AHCTF1: variants seen among roughly 807,000 people sequenced by gnomAD.
The protein encoded by AHCTF1 is AT-hook containing transcription factor 1.
AHCTF1 carries 24 observed loss-of-function variants against 248.4 expected under a neutral mutation model. That is an observed-to-expected ratio of 0.10 (90% CI 0.07 to 0.14). The LOEUF is 0.14. Among genes scored for constraint, AHCTF1 ranks in the 10% least tolerant of loss-of-function variants. The pLI is 1.00. For missense variants in AHCTF1, 2,206 were observed against 2,636.2 expected (o/e 0.84, Z 3.57); for synonymous variants, 786 against 929.8 (o/e 0.85, Z 2.81).
chr1:246,887,139 A>G (rs1010191499), intron 20 of AHCTF1, 72 bp downstream of exon 20: 3 of 1,503,698 alleles, frequency 2.0e-6, no homozygotes, highest in Non-Finnish European at 2.7e-6. Flanking sequence ...TTTAATACCA[A>G]ATTTAAATTA....
chr1:246,867,904 CACACACA>C (rs1662121316), intron 24 of AHCTF1, 93 bp from the exon 25 acceptor site: 4 of 308,804 alleles, frequency 1.3e-5, no homozygotes, highest in Non-Finnish European at 1.4e-5. Context: ...CCCCCCCCCA[CACACACA>C]CACACACACA....
Position 246,853,159 on chromosome 1 carries a change from C to T in AHCTF1, c.4495G>A (p.Glu1499Lys), listed in dbSNP as rs755132680. ...TTTTCTTCTGGTAAGTCAACACTTT[C>T]TTTTAGTACACCAACTTCTACTTCA... ...DHEVEVGVLK[E>K]SVDLPEEKLP... is the part of the protein sequence containing the mutation. The change falls in exon 32 of 36, where the codon GAA (glutamate) becomes AAA (lysine). Residue 1499 changes from glutamate to lysine, a missense_variant. Physicochemically the swap from Glu to Lys is moderately conservative, Grantham distance 56. This residue lies in a region of AHCTF1 where 955 missense variants were observed against 1,055.6 expected (regional missense o/e 0.90). Coordinates refer to ENST00000648844, the MANE Select transcript of AHCTF1 (RefSeq NM_001323342.2). 7 of 1,612,914 alleles carry T rather than the reference C, an allele frequency of 4.3e-6. No homozygotes were observed. The highest frequency in any genetic ancestry group is 5.9e-6 in the Non-Finnish European group (7 of 1,179,396).
rs1337302662 is a variant in AHCTF1, at chr1:246,839,594, CA to C, written c.*1211del. 1.0e-6 allele frequency: 1 copy of C among 984,914 alleles called. No homozygotes were observed. The highest frequency in any genetic ancestry group is 1.1e-4 in the East Asian group (1 of 8,824). 61.0% of individuals were successfully genotyped at this position (984,914 alleles called of 1,614,324 possible). On this transcript the variant is annotated 3_prime_UTR_variant, in exon 36 of 36. Transcript: ENST00000648844. ...CAACACTTTGCGTAGGCATTTTCAC[CA>C]ATTTCTCATTATCTGTATTATTTGG...
rs1346558482 is a variant in AHCTF1 at position 246,898,235 on chromosome 1, A to T, written c.1596T>A (p.Val532=). The change falls in exon 12 of 36, where the codon GTT becomes GTA. Residue 532 remains valine, a synonymous_variant. Coordinates refer to ENST00000648844, the MANE Select transcript of AHCTF1 (RefSeq NM_001323342.2). ...LVAGLLSPRF[V]DVQPSSLSQE... is the part of the protein sequence containing the mutation. ...GGCTTAAACTGGAAGGCTGAACATC[A>T]ACAAATCTTGGGGAAAGAAGGCCAG... 6.2e-7 allele frequency: 1 copy of T among 1,612,202 alleles called. No individual in the cohort carries two copies. The highest frequency in any genetic ancestry group is 1.7e-5 in the Admixed American group (1 of 59,998).
intron 1 of AHCTF1, among the ~76,000 whole-genome samples, chr1:246,919,345 C>T (rs1666358721): frequency 6.6e-6 from 1 of 152,222 alleles, no homozygotes; most frequent in African/African-American, 2.4e-5. Context: ...GACCATGGCT[C>T]TGAGTCTCTT....
At chr1:246,924,791 G>C (rs1165257215) in intron 1 of AHCTF1, among the ~76,000 whole-genome samples, 4 of 152,086 alleles carry the variant, frequency 2.6e-5, no homozygotes, top group Non-Finnish European at 5.9e-5. Flanking sequence ...AGTTATGTTT[G>C]AGATTTCCAA....
intron 18 of AHCTF1, 75 bp from the exon 19 acceptor site, chr1:246,888,308 A>G (rs1663972775): frequency 1.9e-6 from 3 of 1,612,244 alleles, no homozygotes; most frequent in Non-Finnish European, 2.5e-6. Context: ...TGTTTTCCCA[A>G]GTTTGTGCCA....
At chr1:246,869,473 A>G (rs1275741939) in intron 24 of AHCTF1, among the ~76,000 whole-genome samples, 2 of 152,216 alleles carry the variant, frequency 1.3e-5, no homozygotes. Flanking sequence ...GTCAGTGAAC[A>G]CATGAATGGA....
At chr1:246,855,946 A>G (rs1661084376) in intron 30 of AHCTF1, 119 bp from the exon 31 acceptor site, 1 of 576,306 alleles carries the variant, frequency 1.7e-6, no homozygotes, top group Non-Finnish European at 3.0e-6. Flanking sequence ...AGAGAATTCA[A>G]TACAACTCAA....
At position 246,911,672 on chromosome 1, in the gene AHCTF1, C is replaced by T. The variant is rs541919623; in HGVS notation, c.556+1560G>A. Among the ~76,000 whole-genome samples, 33 of 151,916 alleles carry T rather than the reference C, an allele frequency of 2.2e-4. 1 individual carries two copies. In the East Asian group the frequency reaches 2.9e-3, roughly 13 times the overall value. ...CTAATTTTATATTTTTTAGTAGAGA[C>T]GGGGTTTCTCCATGTTGGTCAGGCT... is the stretch of plus-strand genomic sequence containing the variant. On this transcript the variant is annotated intron_variant, in intron 4 of 35. Transcript: ENST00000648844.
intron 1 of AHCTF1, among the ~76,000 whole-genome samples, chr1:246,919,113 G>C (rs1029957166): frequency 6.6e-6 from 1 of 152,136 alleles, no homozygotes; most frequent in Admixed American, 6.5e-5. Context: ...AATACAGAAA[G>C]ATTTTAGCCA....
chr1:246,882,448 G>A (rs1272975532), intron 21 of AHCTF1, among the ~76,000 whole-genome samples: 2 of 152,090 alleles, frequency 1.3e-5, no homozygotes, highest in Non-Finnish European at 2.9e-5. Flanking sequence ...ATCATAGATA[G>A]GGAAAATAAA....
rs115894030 is a variant in AHCTF1, at chr1:246,882,909, A to G, written c.2660+2584T>C. Among the ~76,000 whole-genome samples the G allele has an allele frequency of 6.3e-3, 964 of 152,370 alleles. 12 individuals are homozygous for G. The highest frequency in any genetic ancestry group is 0.022 in the African/African-American group (919 of 41,588). ...GCTCTTAATGAGGAAACTCAGGCTCAGAGAGGATAACTGAACTGCCTTTGA... is the reference window on the plus strand; with the variant it reads ...GCTCTTAATGAGGAAACTCAGGCTCGGAGAGGATAACTGAACTGCCTTTGA... On this transcript the variant is annotated intron_variant, in intron 21 of 35. Coordinates refer to ENST00000648844, the MANE Select transcript of AHCTF1 (RefSeq NM_001323342.2).
chr1:246,849,672 C>T lies in AHCTF1; in HGVS notation c.6334G>A (p.Glu2112Lys). ...SKAILLPDLS[E>K]PNNEPLFSPA... ...GAAAATAAAGGCTCATTGTTTGGTT[C>T]AGAAAGGTCCGGCAACAAGATGGCC... Residue 2112 changes from glutamate (E) to lysine (K), a missense_variant, in exon 33 of 36, where the codon GAA becomes AAA. Glu to Lys is a moderately conservative substitution (Grantham distance 56). Around this residue, in one of 6 missense-constraint regions of AHCTF1, gnomAD observed 469 missense variants for 470.0 expected, o/e 1.00. Transcript: ENST00000648844. The T allele has an allele frequency of 6.2e-7, 1 of 1,613,908 alleles. No homozygotes were observed. The highest frequency in any genetic ancestry group is 8.5e-7 in the Non-Finnish European group (1 of 1,179,844).
intron 24 of AHCTF1, among the ~76,000 whole-genome samples, chr1:246,868,729 TAAGA>T (rs1558230960): frequency 6.6e-6 from 1 of 151,354 alleles, no homozygotes. Flanking sequence ...TCAAATCTTC[TAAGA>T]AAGGCTTACA....
At position 246,903,969 on chromosome 1, in the gene AHCTF1, A is replaced by G; in HGVS notation, c.946T>C (p.Ser316Pro). 6.2e-7 allele frequency: 1 copy of G among 1,614,058 alleles called. No homozygotes were observed. Among genetic ancestry groups the G allele is most frequent in the Non-Finnish European group, 8.5e-7 (1 of 1,179,936 alleles). The change falls in exon 7 of 36, where the codon TCA becomes CCA. Residue 316 changes from serine (S) to proline (P), a missense_variant. By Grantham distance (74) the Ser-to-Pro change is moderately conservative. Around this residue, in one of 6 missense-constraint regions of AHCTF1, gnomAD observed 650 missense variants for 870.8 expected, o/e 0.75. Coordinates refer to ENST00000648844, the MANE Select transcript of AHCTF1 (RefSeq NM_001323342.2). ...TTTACCTCATATAAGATTTGTCCTG[A>G]TGCCAAACACTTTCTATTACCAAAG... ...LAFGNRKCLA[S>P]GQILYEGLEY...
intron 8 of AHCTF1, among the ~76,000 whole-genome samples, chr1:246,900,907 AG>A (rs1384953116): frequency 1.3e-5 from 2 of 152,218 alleles, no homozygotes; most frequent in African/African-American, 4.8e-5. Flanking sequence ...TCCAGTTATA[AG>A]GTAAAGAGAG....
chr1:246,844,583 A>G (rs572483540), intron 33 of AHCTF1, among the ~76,000 whole-genome samples: 1 of 152,120 alleles, frequency 6.6e-6, no homozygotes, highest in South Asian at 2.1e-4. Flanking sequence ...AGATTAGCCA[A>G]TGTGGTGGTG....
chr1:246,897,847 G>A (rs1664699314), intron 12 of AHCTF1, among the ~76,000 whole-genome samples: 1 of 151,908 alleles, frequency 6.6e-6, no homozygotes, highest in African/African-American at 2.4e-5. Flanking sequence ...GCATAGTTGT[G>A]CCTGTCTGTA....
Sources: gnomAD v4.1 joint callset for allele counts (sites outside exome capture counted in the v4.1 genomes callset) on GRCh38, gnomAD v4.1.1 for gene constraint, gnomAD v4.1.1 regional missense constraint, MANE v1.5 for transcripts, NCBI Gene and HGNC (gene_info 2026-07-23, HGNC 2026-07-21) for gene names.